SH3RF3: variants seen among roughly 807,000 people sequenced by gnomAD.
SH3RF3 encodes E3 ubiquitin-protein ligase SH3RF3.
A neutral mutation model predicts 66.3 loss-of-function variants in SH3RF3; 29 were observed. The observed-to-expected ratio is 0.44, with a 90% confidence interval of 0.33 to 0.60. SH3RF3 has a LOEUF of 0.60. SH3RF3 is among the 20% of genes least tolerant of loss of function. The pLI is 0.04. For synonymous variants in SH3RF3, 583 were observed against 532.0 expected (o/e 1.10, Z -1.32); for missense variants, 1,194 against 1,190.9 (o/e 1.00, Z -0.04).
intron 4 of SH3RF3, among the ~76,000 whole-genome samples, chr2:109,403,387 G>A (rs759876114): frequency 2.0e-5 from 3 of 152,338 alleles, no homozygotes; most frequent in Non-Finnish European, 2.9e-5. Flanking sequence ...CCCACAGTGA[G>A]CCAATTGTTC....
At chr2:109,405,980 C>A (rs1284660622) in intron 4 of SH3RF3, among the ~76,000 whole-genome samples, 6 of 152,232 alleles carry the variant, frequency 3.9e-5, no homozygotes, top group Non-Finnish European at 1.5e-5. Flanking sequence ...ACTGTGTGGC[C>A]TTCCCCAACT....
chr2:109,350,625 C>A (rs1008023106), intron 2 of SH3RF3, among the ~76,000 whole-genome samples: 2 of 152,242 alleles, frequency 1.3e-5, no homozygotes, highest in African/African-American at 4.8e-5. Flanking sequence ...GAGACATGGG[C>A]AACTCCATGT....
At chr2:109,266,922 G>A (rs1338930550) in intron 1 of SH3RF3, among the ~76,000 whole-genome samples, 2 of 152,240 alleles carry the variant, frequency 1.3e-5, no homozygotes, top group African/African-American at 4.8e-5. Context: ...GAGCAGGAGA[G>A]GATGTCTGTG....
intron 5 of SH3RF3, among the ~76,000 whole-genome samples, chr2:109,432,281 C>G (rs1677249282): frequency 6.6e-6 from 1 of 152,194 alleles, no homozygotes; most frequent in Non-Finnish European, 1.5e-5. Context: ...CACCCCTCCC[C>G]TGCAGGCAGC....
intron 1 of SH3RF3, among the ~76,000 whole-genome samples, chr2:109,299,049 C>T (rs977204544): frequency 6.6e-6 from 1 of 152,214 alleles, no homozygotes; most frequent in African/African-American, 2.4e-5. Flanking sequence ...GGGTCACCTG[C>T]TTCAGCCACA....
At chr2:109,484,067 CTTT>C (rs562496561) in intron 8 of SH3RF3, among the ~76,000 whole-genome samples, 6 of 94,328 alleles carry the variant, frequency 6.4e-5, no homozygotes, top group African/African-American at 8.5e-5. Context: ...TCTGGCCTTT[CTTT>C]TTTTTTTTTT....
In SH3RF3 at chr2:109,249,536, C is replaced by CTTTTTCTTTCT. The variant is rs1273437959; in HGVS notation, c.574-98136_574-98135insTTTCTTTCTTT. ...TTCTTTCTTTTTCTTTCTTTCTTTC[C>CTTTTTCTTTCT]TTCCTTCCTTCCTTCCTTCCTTCCT... On this transcript the variant is annotated intron_variant, in intron 1 of 9. Transcript: ENST00000309415. Among the ~76,000 whole-genome samples, 69 of 74,092 alleles carry CTTTTTCTTTCT rather than the reference C, an allele frequency of 9.3e-4. 1 individual carries two copies. Among genetic ancestry groups the CTTTTTCTTTCT allele is most frequent in the Non-Finnish European group, 1.3e-3 (46 of 36,212 alleles). The allele number at this position is 74,092 out of a possible 152,430, so 48.6% of individuals were successfully genotyped here.
intron 1 of SH3RF3, among the ~76,000 whole-genome samples, chr2:109,204,538 A>G (rs1025813618): frequency 2.6e-5 from 4 of 152,170 alleles, no homozygotes; most frequent in African/African-American, 9.7e-5. Context: ...ATTTGTGTGC[A>G]ATGTACAATG....
intron 1 of SH3RF3, among the ~76,000 whole-genome samples, chr2:109,312,180 A>G (rs1681743849): frequency 6.6e-6 from 1 of 152,222 alleles, no homozygotes; most frequent in South Asian, 2.1e-4. Context: ...ACAAAGTCTA[A>G]TGAAAATCTT....
intron 1 of SH3RF3, among the ~76,000 whole-genome samples, chr2:109,169,524 C>T (rs1448311275): frequency 6.6e-6 from 1 of 151,942 alleles, no homozygotes; most frequent in Non-Finnish European, 1.5e-5. Flanking sequence ...GGTCATGGGT[C>T]CATTTTCATT....
chr2:109,147,354 C>A (rs183391628), intron 1 of SH3RF3, among the ~76,000 whole-genome samples: 21 of 152,268 alleles, frequency 1.4e-4, no homozygotes, highest in African/African-American at 4.8e-4. Flanking sequence ...ACTATCTCTG[C>A]GCTGATAAGC....
chr2:109,402,331 C>A (rs1278218796), intron 4 of SH3RF3, among the ~76,000 whole-genome samples: 1 of 152,262 alleles, frequency 6.6e-6, no homozygotes, highest in Non-Finnish European at 1.5e-5. Context: ...CTCTTCCCCA[C>A]CATGCTGGCC....
At chr2:109,214,997 G>A (rs566052970) in intron 1 of SH3RF3, among the ~76,000 whole-genome samples, 159 of 152,362 alleles carry the variant, frequency 1.0e-3, no homozygotes, top group African/African-American at 3.6e-3. Context: ...GGTGGAGGCA[G>A]AGTAAGATCT....
intron 1 of SH3RF3, among the ~76,000 whole-genome samples, chr2:109,152,758 G>C (rs534277740): frequency 6.6e-6 from 1 of 152,170 alleles, no homozygotes; most frequent in Non-Finnish European, 1.5e-5. Context: ...GGGCGGGGGG[G>C]ACCCAGTGTC....
intron 1 of SH3RF3, among the ~76,000 whole-genome samples, chr2:109,249,528 TTTCTTTCCTTCCTTCC>T (rs1680018588): frequency 9.6e-6 from 1 of 103,812 alleles, no homozygotes; most frequent in Admixed American, 1.0e-4. Context: ...TTTTTCTTTC[TTTCTTTCCTTCCTTCC>T]TTCCTTCCTT....
intron 8 of SH3RF3, among the ~76,000 whole-genome samples, chr2:109,456,304 A>G (rs1433994194): frequency 1.3e-5 from 2 of 152,130 alleles, no homozygotes; most frequent in East Asian, 1.9e-4. Flanking sequence ...CTGTTCCCCT[A>G]TTGTCAGGCT....
chr2:109,396,458 T>C (rs1036109581), intron 3 of SH3RF3, among the ~76,000 whole-genome samples: 1 of 152,238 alleles, frequency 6.6e-6, no homozygotes, highest in Non-Finnish European at 1.5e-5. Flanking sequence ...AGCTGGAACC[T>C]GCAGCCACCC....
At chr2:109,218,728 G>C (rs896149038) in intron 1 of SH3RF3, among the ~76,000 whole-genome samples, 8 of 152,280 alleles carry the variant, frequency 5.3e-5, no homozygotes, top group African/African-American at 1.9e-4. Flanking sequence ...TTGGCACTTT[G>C]TTCTCTAAGT....
intron 1 of SH3RF3, among the ~76,000 whole-genome samples, chr2:109,312,803 G>A (rs1191975948): frequency 6.6e-6 from 1 of 152,130 alleles, no homozygotes; most frequent in Non-Finnish European, 1.5e-5. Flanking sequence ...TCCACCTTTT[G>A]GCTCTTGTGG....
Sources: allele counts gnomAD v4.1 joint callset (sites outside exome capture counted in the v4.1 genomes callset), GRCh38; gene constraint gnomAD v4.1.1; transcripts MANE v1.5; gene names NCBI Gene and HGNC (gene_info 2026-07-23, HGNC 2026-07-21).